Variants in FAM222A observed in about 807,000 individuals in gnomAD.
FAM222A encodes the protein protein FAM222A.
FAM222A carries 7 observed loss-of-function variants against 25.8 expected under a neutral mutation model. The observed-to-expected ratio is 0.27, with a 90% CI of 0.15 to 0.51. The LOEUF is 0.51. Among genes scored for constraint, FAM222A ranks in the 20% least tolerant of loss-of-function variants. FAM222A has a pLI of 0.97. For missense variants in FAM222A, 573 were observed against 640.5 expected (o/e 0.89, Z 1.14); for synonymous variants, 294 against 298.8 (o/e 0.98, Z 0.17).
rs1889204626 is a variant in FAM222A at position 109,770,186 on chromosome 12, TC to T, written c.*900del. On this transcript the variant is annotated 3_prime_UTR_variant, in exon 3 of 3. Coordinates refer to ENST00000538780, the MANE Select transcript of FAM222A (RefSeq NM_032829.3). ...TTCTTCGAGGGATCTCTTGGGACCCTCCTGGTTTTAACTGGGAGGCCCAGAC... is the reference window on the plus strand; with the variant it reads ...TTCTTCGAGGGATCTCTTGGGACCCTCTGGTTTTAACTGGGAGGCCCAGAC... The T allele has an allele frequency of 6.6e-6, 1 of 152,486 alleles. No homozygotes were observed. The highest frequency in any genetic ancestry group is 1.5e-5 in the Non-Finnish European group (1 of 68,050). The allele number at this position is 152,486 out of a possible 1,614,324, so 9.4% of individuals were successfully genotyped here.
At chr12:109,758,576 G>C (rs1243806131) in intron 2 of FAM222A, among the ~76,000 whole-genome samples, 1 of 152,116 alleles carries the variant, frequency 6.6e-6, no homozygotes, top group Admixed American at 6.6e-5. Context: ...AGCCACTCCT[G>C]CCCCTCCCCA....
intron 1 of FAM222A, among the ~76,000 whole-genome samples, chr12:109,731,378 G>C (rs906824164): frequency 1.3e-5 from 2 of 152,148 alleles, no homozygotes; most frequent in African/African-American, 4.8e-5. Flanking sequence ...CCACAGCACA[G>C]CCATGCCATG....
intron 2 of FAM222A, among the ~76,000 whole-genome samples, chr12:109,748,762 T>G (rs1888477017): frequency 6.6e-6 from 1 of 152,162 alleles, no homozygotes; most frequent in South Asian, 2.1e-4. Context: ...CTTCATTAGG[T>G]TAGTTAGCTA....
chr12:109,720,302 C>A (rs765387660), intron 1 of FAM222A: 1 of 565,340 alleles, frequency 1.8e-6, no homozygotes, highest in Non-Finnish European at 2.2e-6. Flanking sequence ...GACTTAATGA[C>A]GCAGAACTTA....
At chr12:109,765,014 A>G (rs1013548731) in intron 2 of FAM222A, among the ~76,000 whole-genome samples, 1 of 152,040 alleles carries the variant, frequency 6.6e-6, no homozygotes, top group Non-Finnish European at 1.5e-5. Flanking sequence ...AGATGAACGG[A>G]GAGCCACCTA....
At chr12:109,718,537 G>T (rs762521677) in intron 1 of FAM222A, among the ~76,000 whole-genome samples, 47 of 152,196 alleles carry the variant, frequency 3.1e-4, no homozygotes, top group Non-Finnish European at 5.0e-4. Flanking sequence ...CAAAAGGGCC[G>T]CTTTATTACC....
Position 109,768,517 on chromosome 12 carries a change from G to A in FAM222A, c.588G>A (p.Leu196=). 3 of 1,606,200 alleles carry A rather than the reference G, an allele frequency of 1.9e-6. No homozygotes were observed. Among genetic ancestry groups the A allele is most frequent in the Non-Finnish European group, 2.5e-6 (3 of 1,178,446 alleles). Reference sequence around the variant, plus strand: ...GCCTGCCCCTGCCACCTTCCAACCTGCCCTCCATCCACAGCCTCCTGTACC... The same window carrying A: ...GCCTGCCCCTGCCACCTTCCAACCTACCCTCCATCCACAGCCTCCTGTACC... The part of the protein sequence containing the change: ...GRGLPLPPSN[L]PSIHSLLYQL... Residue 196 remains leucine (L), a synonymous_variant, in exon 3 of 3, where the codon CTG becomes CTA. Transcript: ENST00000538780.
chr12:109,737,884 A>G (rs937522939), intron 1 of FAM222A, among the ~76,000 whole-genome samples: 3 of 152,192 alleles, frequency 2.0e-5, no homozygotes, highest in Admixed American at 1.3e-4. Flanking sequence ...CCTCCGGCTC[A>G]GAACAGAGAT....
chr12:109,745,192 T>C (rs949043157), intron 2 of FAM222A, among the ~76,000 whole-genome samples: 3 of 152,248 alleles, frequency 2.0e-5, no homozygotes, highest in African/African-American at 7.2e-5. Context: ...CCAGATGTTT[T>C]ATGTGCATCC....
At position 109,769,509 on chromosome 12, in the gene FAM222A, CAGTG is replaced by C. The variant is rs1889182904; in HGVS notation, c.*224_*227del. 1.7e-6 allele frequency: 1 copy of C among 583,094 alleles called. No individual in the cohort carries two copies. The highest frequency in any genetic ancestry group is 3.0e-6 in the Non-Finnish European group (1 of 334,158). The allele number at this position is 583,094 out of a possible 1,614,324, so 36.1% of individuals were successfully genotyped here. A position where few individuals can be genotyped will look rare whatever the true frequency, so the allele number is the denominator to read the frequency against. On this transcript the variant is annotated 3_prime_UTR_variant, in exon 3 of 3. Coordinates refer to ENST00000538780, the MANE Select transcript of FAM222A (RefSeq NM_032829.3). ...CCCCACCATCGGTTGCCCCAGGACACAGTGAGGGCCTGGGGGCAGCCACTGACGC... is the reference window on the plus strand; with the variant it reads ...CCCCACCATCGGTTGCCCCAGGACACAGGGCCTGGGGGCAGCCACTGACGC...
At chr12:109,760,612 T>C (rs1888864575) in intron 2 of FAM222A, among the ~76,000 whole-genome samples, 1 of 123,720 alleles carries the variant, frequency 8.1e-6, no homozygotes, top group African/African-American at 2.7e-5. Context: ...ACACCCTCCC[T>C]GCCCACCTCA....
chr12:109,741,811 C>A (rs1173783490), intron 1 of FAM222A, among the ~76,000 whole-genome samples: 3 of 152,190 alleles, frequency 2.0e-5, no homozygotes, highest in African/African-American at 4.8e-5. Context: ...AGCCTTCCAG[C>A]CCAGGTTTCC....
chr12:109,741,141 G>A (rs1428275779), intron 1 of FAM222A, among the ~76,000 whole-genome samples: 1 of 152,166 alleles, frequency 6.6e-6, no homozygotes, highest in East Asian at 1.9e-4. Flanking sequence ...TGCAGGAGTT[G>A]GAGGTGGTGG....
chr12:109,761,675 G>A (rs1365673568), intron 2 of FAM222A, among the ~76,000 whole-genome samples: 2 of 152,096 alleles, frequency 1.3e-5, no homozygotes, highest in African/African-American at 2.4e-5. Flanking sequence ...CAGGCCTCTC[G>A]AACCTCATGT....
At chr12:109,740,560 G>T (rs1888212073) in intron 1 of FAM222A, among the ~76,000 whole-genome samples, 1 of 152,182 alleles carries the variant, frequency 6.6e-6, no homozygotes. Context: ...GAGGGGGCAA[G>T]ATGGGGTCAC....
At position 109,769,618 on chromosome 12, in the gene FAM222A, C is replaced by T. The variant is rs780493373; in HGVS notation, c.*330C>T. ...AACAGGAATGGTTCTTTCTGGGCCT[C>T]CTGGGACAGGGGCCCAGGCCAAGGT... On this transcript the variant is annotated 3_prime_UTR_variant, in exon 3 of 3. Coordinates refer to ENST00000538780, the MANE Select transcript of FAM222A (RefSeq NM_032829.3). 20 of 347,966 alleles carry T rather than the reference C, an allele frequency of 5.7e-5. No individual in the cohort carries two copies. Among genetic ancestry groups the T allele is most frequent in the Admixed American group, 9.0e-5 (2 of 22,140 alleles). The allele number at this position is 347,966 out of a possible 1,614,324, so 21.6% of individuals were successfully genotyped here. A position where few individuals can be genotyped will look rare whatever the true frequency, so the allele number is the denominator to read the frequency against.
chr12:109,740,330 C>T lies in FAM222A; in HGVS notation c.-46-3771C>T, dbSNP rs1209035192. On this transcript the variant is annotated intron_variant, in intron 1 of 2. Coordinates refer to ENST00000538780, the MANE Select transcript of FAM222A (RefSeq NM_032829.3). ...TCAGCCCCCATGTCAGGGAAGGTGC[C>T]AAGCATTCTAATCATTGAGGCATGC... 6.6e-5 allele frequency among the ~76,000 whole-genome samples: 10 copies of T among 152,248 alleles called. No homozygotes were observed. In the East Asian group the frequency reaches 1.4e-3, roughly 21 times the overall value.
chr12:109,762,428 C>T (rs1888925008), intron 2 of FAM222A, among the ~76,000 whole-genome samples: 1 of 152,190 alleles, frequency 6.6e-6, no homozygotes, highest in South Asian at 2.1e-4. Context: ...TCTTACAACC[C>T]AGCCATGAGA....
chr12:109,768,887 G>C lies in FAM222A; in HGVS notation c.958G>C (p.Ala320Pro). 3 of 1,581,628 alleles carry C rather than the reference G, an allele frequency of 1.9e-6. No homozygotes were observed. Among genetic ancestry groups the C allele is most frequent in the Non-Finnish European group, 2.6e-6 (3 of 1,171,450 alleles). ...GTCCCCTGAGGCTTGCGGGGGCCGG[G>C]CATACGAGCGGGCCAGCGGGTCACC... ...SKSPEACGGR[A>P]YERASGSPLN... is the part of the protein sequence containing the mutation. The change falls in exon 3 of 3, where the codon GCA becomes CCA. Residue 320 changes from alanine (A) to proline (P), a missense_variant. Coordinates refer to ENST00000538780, the MANE Select transcript of FAM222A (RefSeq NM_032829.3).
Sources: allele counts gnomAD v4.1 joint callset (sites outside exome capture counted in the v4.1 genomes callset), GRCh38; gene constraint gnomAD v4.1.1; transcripts MANE v1.5; gene names NCBI Gene and HGNC (gene_info 2026-07-23, HGNC 2026-07-21).